The following PEX12 variants were observed in gnomAD, a reference collection of about 807,000 sequenced individuals.
PEX12 encodes peroxisome assembly protein 12.
Under a neutral mutation model 32.5 loss-of-function variants are expected in PEX12, and 31 were observed. That is an observed-to-expected ratio of 0.95 (90% confidence interval 0.72 to 1.29). The LOEUF (loss-of-function observed/expected upper bound fraction) is 1.29. Ranked by LOEUF, PEX12 falls within the 50% of genes most tolerant of loss-of-function variation. The pLI is 0.00. For synonymous variants in PEX12, 148 were observed against 157.2 expected, an observed-to-expected ratio of 0.94 and a Z score of 0.44; for missense variants, 359 against 419.0, an observed-to-expected ratio of 0.86 and a Z score of 1.25.
At position 35,575,972 on chromosome 17, in the gene PEX12, AAG is replaced by A. The variant is rs398123301; in HGVS notation, c.888_889del (p.Leu297ThrfsTer12). 1.2e-4 allele frequency: 188 copies of A among 1,614,156 alleles called. No homozygotes were observed. Among genetic ancestry groups the A allele is most frequent in the Admixed American group, 4.5e-4 (27 of 60,022 alleles). On this transcript the variant is annotated frameshift_variant, in exon 3 of 3. Coordinates refer to ENST00000225873, the MANE Select transcript of PEX12 (RefSeq NM_000286.3). LOFTEE classifies it high-confidence loss of function. ...TGGGCACACAGTCTTCATTTTGGGT[AAG>A]AGGGGAGAATCAGAGTTATAGTCTA...
chr17:35,577,742 T>C (rs1375217092), intron 1 of PEX12, 151 bp from the exon 2 acceptor site: 5 of 1,299,198 alleles, frequency 3.8e-6, no homozygotes, highest in African/African-American at 1.4e-5. Context: ...TACAGGTCTC[T>C]ACACATAACA....
chr17:35,577,510 G>A lies in PEX12; in HGVS notation c.208C>T (p.Leu70Phe), dbSNP rs2072793758. The change falls in exon 2 of 3, where the codon CTC becomes TTC. Residue 70 changes from leucine (L) to phenylalanine (F), a missense_variant. Coordinates refer to ENST00000225873, the MANE Select transcript of PEX12 (RefSeq NM_000286.3). ...DEIFTLLDLL[L>F]QQHYLSRTSA... ...GTTCTAGACAGATAATGTTGCTGGA[G>A]CAGAAGATCTAGCAGAGTAAAGATT... 6.2e-7 allele frequency: 1 copy of A among 1,613,570 alleles called. No individual in the cohort carries two copies. Among genetic ancestry groups the A allele is most frequent in the Non-Finnish European group, 8.5e-7 (1 of 1,179,834 alleles).
intron 2 of PEX12, 47 bp from the exon 3 acceptor site, chr17:35,576,228 G>A (rs781186474): frequency 6.4e-7 from 1 of 1,571,964 alleles, no homozygotes; most frequent in Admixed American, 1.7e-5. Flanking sequence ...ACTTTATTTA[G>A]GTATCATTAC....
chr17:35,577,842 C>A lies in PEX12; in HGVS notation c.126+54G>T, dbSNP rs187508249. On this transcript the variant is annotated intron_variant, in intron 1 of 2. Coordinates refer to ENST00000225873, the MANE Select transcript of PEX12 (RefSeq NM_000286.3). ...GGCTACCAAATAAGCACAAATTATTCGTTTGTTTTTTACCCAGTTGTCCCT... is the reference window on the plus strand; with the variant it reads ...GGCTACCAAATAAGCACAAATTATTAGTTTGTTTTTTACCCAGTTGTCCCT... 6 of 1,609,616 alleles carry A rather than the reference C, an allele frequency of 3.7e-6. No homozygotes were observed. In the Admixed American group the frequency reaches 8.3e-5, roughly 22 times the overall value.
At chr17:35,577,690 T>C in intron 1 of PEX12, 99 bp from the exon 2 acceptor site, 2 of 1,398,966 alleles carry the variant, frequency 1.4e-6, no homozygotes, top group Non-Finnish European at 1.0e-6. Flanking sequence ...ACAATTTGTT[T>C]TAAATAAGTC....
In PEX12 at chr17:35,575,253, A is replaced by T. The variant is rs2072777691; in HGVS notation, c.*529T>A. ...TTAACAAATGTCTCACAGTATATGG[A>T]AGGAGCTTTTTTCCCCCCCAGAGTG... On this transcript the variant is annotated 3_prime_UTR_variant, in exon 3 of 3. Transcript: ENST00000225873. The T allele has an allele frequency of 6.2e-6, 1 of 161,504 alleles. No homozygotes were observed. Among genetic ancestry groups the T allele is most frequent in the Non-Finnish European group, 1.4e-5 (1 of 72,832 alleles). 10.0% of individuals were successfully genotyped at this position (161,504 alleles called of 1,614,324 possible).
In PEX12 at chr17:35,577,187, T is replaced by C. The variant is rs768919252; in HGVS notation, c.531A>G (p.Gln177=). The C allele has an allele frequency of 6.2e-7, 1 of 1,614,136 alleles. No homozygotes were observed. The highest frequency in any genetic ancestry group is 8.5e-7 in the Non-Finnish European group (1 of 1,180,034). ...CTTTTCCTAGGATGTATCGAAGTTG[T>C]TGTACAAGAAACCATCCTTCCCAGG... ...NMAWEGWFLV[Q]QLRYILGKAQ... The change falls in exon 2 of 3, where the codon CAA becomes CAG. Residue 177 remains glutamine (Q), a synonymous_variant. Coordinates refer to ENST00000225873, the MANE Select transcript of PEX12 (RefSeq NM_000286.3).
At chr17:35,577,865 C>T (rs1281405023) in intron 1 of PEX12, 31 bp downstream of exon 1, 1 of 1,613,718 alleles carries the variant, frequency 6.2e-7, no homozygotes, top group East Asian at 2.2e-5. Flanking sequence ...CCCAGTTGTC[C>T]CTAAAACCTT....
Position 35,578,417 on chromosome 17 carries a change from G to A in PEX12, c.-396C>T. The A allele has an allele frequency of 1.2e-5, 4 of 335,790 alleles. No homozygotes were observed. The East Asian group carries it at 2.3e-4, about 19-fold the overall frequency. The allele number at this position is 335,790 out of a possible 1,614,324, so 20.8% of individuals were successfully genotyped here. On this transcript the variant is annotated 5_prime_UTR_variant, in exon 1 of 3. Coordinates refer to ENST00000225873, the MANE Select transcript of PEX12 (RefSeq NM_000286.3). The stretch of plus-strand genomic sequence containing the variant: ...AGCTCAAAAGCCAGCCGACTCTGAG[G>A]ATTCAGTCGTGCCACTGTGAGCCCG...
Position 35,578,285 on chromosome 17 carries a change from A to G in PEX12, c.-264T>C, listed in dbSNP as rs1258402453. 4 of 425,854 alleles carry G rather than the reference A, an allele frequency of 9.4e-6. No homozygotes were observed. Among genetic ancestry groups the G allele is most frequent in the Non-Finnish European group, 1.8e-5 (4 of 223,804 alleles). The allele number at this position is 425,854 out of a possible 1,614,324, so 26.4% of individuals were successfully genotyped here. A position where few individuals can be genotyped will look rare whatever the true frequency, so the allele number is the denominator to read the frequency against. ...ATGTGGCGAGGGGGTAACTTGTCAA[A>G]TGCTGCACGTCAGGGCAGAGCGTGA... On this transcript the variant is annotated 5_prime_UTR_variant, in exon 1 of 3. Transcript: ENST00000225873.
At position 35,576,985 on chromosome 17, in the gene PEX12, T is replaced by C; in HGVS notation, c.680+53A>G. On this transcript the variant is annotated intron_variant, in intron 2 of 2. Coordinates refer to ENST00000225873, the MANE Select transcript of PEX12 (RefSeq NM_000286.3). ...GGAGGTGAATTTTACAAAACTGGGA[T>C]ACGATTTTCGAATTTACTAACTAAA... 3 of 1,527,902 alleles carry C rather than the reference T, an allele frequency of 2.0e-6. No homozygotes were observed. The South Asian group carries it at 3.4e-5, about 17-fold the overall frequency. The allele number at this position is 1,527,902 out of a possible 1,614,324, so 94.6% of individuals were successfully genotyped here.
In PEX12 at chr17:35,575,540, C is replaced by G. The variant is rs1343585907; in HGVS notation, c.*242G>C. On this transcript the variant is annotated 3_prime_UTR_variant, in exon 3 of 3. Coordinates refer to ENST00000225873, the MANE Select transcript of PEX12 (RefSeq NM_000286.3). ...TTAATCTCTACACTGGCCCTCATATCCCCTGCCAGTCCTGATCCTTCTACT... is the reference window on the plus strand; with the variant it reads ...TTAATCTCTACACTGGCCCTCATATGCCCTGCCAGTCCTGATCCTTCTACT... 5 of 535,908 alleles carry G rather than the reference C, an allele frequency of 9.3e-6. No individual in the cohort carries two copies. The African/African-American group carries it at 9.5e-5, about 10-fold the overall frequency. The allele number at this position is 535,908 out of a possible 1,614,324, so 33.2% of individuals were successfully genotyped here.
chr17:35,578,206 G>A lies in PEX12; in HGVS notation c.-185C>T, dbSNP rs2072799374. ...GGGAAAAAAAGACCTGGAGGCCGAG[G>A]GTAGTCTCAAGAAGGTTAAGAACAA... On this transcript the variant is annotated 5_prime_UTR_variant, in exon 1 of 3. Coordinates refer to ENST00000225873, the MANE Select transcript of PEX12 (RefSeq NM_000286.3). The A allele has an allele frequency of 1.4e-6, 1 of 691,712 alleles. No individual in the cohort carries two copies. Among genetic ancestry groups the A allele is most frequent in the African/African-American group, 1.8e-5 (1 of 56,148 alleles). The allele number at this position is 691,712 out of a possible 1,614,324, so 42.8% of individuals were successfully genotyped here.
chr17:35,577,415 C>T lies in PEX12; in HGVS notation c.303G>A (p.Gln101=), dbSNP rs757186084. 1 of 1,614,206 alleles carries T rather than the reference C, an allele frequency of 6.2e-7. No homozygotes were observed. Among genetic ancestry groups the T allele is most frequent in the Non-Finnish European group, 8.5e-7 (1 of 1,180,042 alleles). The stretch of plus-strand genomic sequence containing the variant: ...TTGGGAGACCAGCACTAGCCAATCT[C>T]TGAGACTTGTGAGTGTCCCCCATTA... ...RIVMGDTHKS[Q]RLASAGLPKQ... Residue 101 remains glutamine (Q), a synonymous_variant, in exon 2 of 3, where the codon CAG becomes CAA. Transcript: ENST00000225873.
rs1168624953 is a variant in PEX12, at chr17:35,578,057, A to C, written c.-36T>G. Reference sequence around the variant, plus strand: ...GTGTACTGGCTTTCACTTTTCCCACAAACTCTCTCGTGAGCATGAACTTTT... The same window carrying C: ...GTGTACTGGCTTTCACTTTTCCCACCAACTCTCTCGTGAGCATGAACTTTT... On this transcript the variant is annotated 5_prime_UTR_variant, in exon 1 of 3. Transcript: ENST00000225873. The C allele has an allele frequency of 6.2e-7, 1 of 1,613,590 alleles. No individual in the cohort carries two copies. Among genetic ancestry groups the C allele is most frequent in the Non-Finnish European group, 8.5e-7 (1 of 1,179,710 alleles).
chr17:35,575,751 T>G lies in PEX12; in HGVS notation c.*31A>C. 6.2e-7 allele frequency: 1 copy of G among 1,610,136 alleles called. No homozygotes were observed. Among genetic ancestry groups the G allele is most frequent in the Non-Finnish European group, 8.5e-7 (1 of 1,176,400 alleles). ...GCTCTGTGACATTACAGCGCAATAC[T>G]TTTGTTGTGAGGATAAGACATGATT... On this transcript the variant is annotated 3_prime_UTR_variant, in exon 3 of 3. Coordinates refer to ENST00000225873, the MANE Select transcript of PEX12 (RefSeq NM_000286.3).
Position 35,578,283 on chromosome 17 carries a change from A to C in PEX12, c.-262T>G. The C allele has an allele frequency of 2.3e-6, 1 of 439,750 alleles. No individual in the cohort carries two copies. The highest frequency in any genetic ancestry group is 4.3e-6 in the Non-Finnish European group (1 of 232,654). 27.2% of individuals were successfully genotyped at this position (439,750 alleles called of 1,614,324 possible). A position where few individuals can be genotyped will look rare whatever the true frequency, so the allele number is the denominator to read the frequency against. ...GTATGTGGCGAGGGGGTAACTTGTC[A>C]AATGCTGCACGTCAGGGCAGAGCGT... On this transcript the variant is annotated 5_prime_UTR_variant, in exon 1 of 3. Coordinates refer to ENST00000225873, the MANE Select transcript of PEX12 (RefSeq NM_000286.3).
At position 35,578,090 on chromosome 17, in the gene PEX12, G is replaced by A; in HGVS notation, c.-69C>T. Reference sequence around the variant, plus strand: ...TCGTGAGCATGAACTTTTTCGGGAGGAAGAGTATCAGATGGGTGCTCAGTC... The same window carrying A: ...TCGTGAGCATGAACTTTTTCGGGAGAAAGAGTATCAGATGGGTGCTCAGTC... On this transcript the variant is annotated 5_prime_UTR_variant, in exon 1 of 3. Coordinates refer to ENST00000225873, the MANE Select transcript of PEX12 (RefSeq NM_000286.3). The A allele has an allele frequency of 6.3e-7, 1 of 1,592,932 alleles. No homozygotes were observed. The highest frequency in any genetic ancestry group is 8.6e-7 in the Non-Finnish European group (1 of 1,161,986).
In PEX12 at chr17:35,575,703, A is replaced by C; in HGVS notation, c.*79T>G. The stretch of plus-strand genomic sequence containing the variant: ...TTATGAATTGAGGCTGAGAAGTGTC[A>C]ACTCAATACCATGCTGAAACCAGCT... On this transcript the variant is annotated 3_prime_UTR_variant, in exon 3 of 3. Coordinates refer to ENST00000225873, the MANE Select transcript of PEX12 (RefSeq NM_000286.3). The C allele has an allele frequency of 2.3e-6, 3 of 1,328,562 alleles. No homozygotes were observed. The highest frequency in any genetic ancestry group is 3.3e-6 in the Non-Finnish European group (3 of 919,854). 82.3% of individuals were successfully genotyped at this position (1,328,562 alleles called of 1,614,324 possible). A position where few individuals can be genotyped will look rare whatever the true frequency, so the allele number is the denominator to read the frequency against.
Sources: gnomAD v4.1 joint callset for allele counts on GRCh38, gnomAD v4.1.1 for gene constraint, MANE v1.5 for transcripts, NCBI Gene and HGNC (gene_info 2026-07-23, HGNC 2026-07-21) for gene names.